Variants in CEMIP2 observed in about 807,000 individuals in gnomAD.
CEMIP2 encodes cell surface hyaluronidase CEMIP2.
In CEMIP2, 79 loss-of-function variants were observed where a neutral mutation model predicts 146.9. That is an observed-to-expected ratio of 0.54 (90% CI 0.45 to 0.65). The LOEUF (loss-of-function observed/expected upper bound fraction) is 0.65. Among genes scored for constraint, CEMIP2 ranks in the 30% least tolerant of loss-of-function variants. CEMIP2 has a pLI of 0.00. For missense variants in CEMIP2, 1,596 were observed against 1,696.2 expected, an observed-to-expected ratio of 0.94 and a Z score of 1.04; for synonymous variants, 601 against 606.3, an observed-to-expected ratio of 0.99 and a Z score of 0.13.
At chr9:71,708,717 T>C (rs1034068363) in intron 17 of CEMIP2, among the ~76,000 whole-genome samples, 2 of 152,200 alleles carry the variant, frequency 1.3e-5, no homozygotes, top group South Asian at 4.1e-4. Context: ...CATATTTTCA[T>C]AGACATTATA....
At chr9:71,734,038 G>A (rs918921913) in intron 6 of CEMIP2, among the ~76,000 whole-genome samples, 1 of 152,030 alleles carries the variant, frequency 6.6e-6, no homozygotes, top group Non-Finnish European at 1.5e-5. Context: ...AGTAGAGATG[G>A]GGTTTCACCG....
chr9:71,697,205 T>TG (rs1563996132), intron 20 of CEMIP2, among the ~76,000 whole-genome samples: 3 of 152,312 alleles, frequency 2.0e-5, no homozygotes, highest in Non-Finnish European at 4.4e-5. Flanking sequence ...GCTGCTGGTC[T>TG]GGGGGTCACA....
chr9:71,729,091 C>T (rs1307545327), intron 10 of CEMIP2, among the ~76,000 whole-genome samples: 1 of 151,882 alleles, frequency 6.6e-6, no homozygotes, highest in Non-Finnish European at 1.5e-5. Flanking sequence ...CCAACAGCCT[C>T]GGCCTCCCAA....
rs1823527744 is a variant in CEMIP2, at chr9:71,728,834, T to TGC, written c.2049+1010_2049+1011insGC. Among the ~76,000 whole-genome samples, 10 of 150,768 alleles carry TGC rather than the reference T, an allele frequency of 6.6e-5. No homozygotes were observed. The South Asian group carries it at 2.2e-3, about 33-fold the overall frequency. On this transcript the variant is annotated intron_variant, in intron 10 of 23. Coordinates refer to ENST00000377044, the MANE Select transcript of CEMIP2 (RefSeq NM_013390.3). ...GGGTTTTTGTGTGTGTGTGTGTGTG[T>TGC]GTGTGTGTTTTTATTGACACGGGGT...
At chr9:71,710,702 CG>C (rs35032188) in intron 16 of CEMIP2, among the ~76,000 whole-genome samples, 1 of 152,146 alleles carries the variant, frequency 6.6e-6, no homozygotes, top group Non-Finnish European at 1.5e-5. Context: ...TAGAGAACTA[CG>C]GGGAGGTCCA....
rs756832543 is a variant in CEMIP2, at chr9:71,716,566, G to C, written c.2400-14C>G. On this transcript the variant is annotated splice_polypyrimidine_tract_variant and intron_variant, in intron 13 of 23. Coordinates refer to ENST00000377044, the MANE Select transcript of CEMIP2 (RefSeq NM_013390.3). Reference sequence around the variant, plus strand: ...TTATCTGCAAATCTGTAAAAGAAGAGAGAATGAAGAACATTTTAATTTACC... The same window carrying C: ...TTATCTGCAAATCTGTAAAAGAAGACAGAATGAAGAACATTTTAATTTACC... The C allele has an allele frequency of 3.8e-6, 6 of 1,583,268 alleles. No homozygotes were observed. Among genetic ancestry groups the C allele is most frequent in the Non-Finnish European group, 5.2e-6 (6 of 1,163,946 alleles).
Position 71,732,573 on chromosome 9 carries a change from A to G in CEMIP2, c.1394-53T>C. On this transcript the variant is annotated intron_variant, in intron 6 of 23. Transcript: ENST00000377044. ...GAATATTAGAACAAAGAAAACATGA[A>G]ACTCACTTCAAAAAGACATTCTCTT... The G allele has an allele frequency of 3.4e-6, 5 of 1,465,128 alleles. No homozygotes were observed. In the South Asian group the frequency reaches 6.1e-5, roughly 18 times the overall value. 90.8% of individuals were successfully genotyped at this position (1,465,128 alleles called of 1,614,324 possible). A position where few individuals can be genotyped will look rare whatever the true frequency, so the allele number is the denominator to read the frequency against.
intron 12 of CEMIP2, among the ~76,000 whole-genome samples, chr9:71,719,964 A>T (rs1823186232): frequency 6.6e-6 from 1 of 151,862 alleles, no homozygotes; most frequent in South Asian, 2.1e-4. Context: ...GTGCCCAGGC[A>T]TGTACAGGGA....
intron 1 of CEMIP2, among the ~76,000 whole-genome samples, chr9:71,756,350 T>C (rs1824451869): frequency 6.6e-6 from 1 of 151,372 alleles, no homozygotes; most frequent in East Asian, 1.9e-4. Flanking sequence ...TATATATGTA[T>C]ATACATACAT....
intron 11 of CEMIP2, among the ~76,000 whole-genome samples, chr9:71,722,725 T>G (rs1344868915): frequency 2.0e-5 from 3 of 152,036 alleles, no homozygotes; most frequent in Non-Finnish European, 2.9e-5. Flanking sequence ...ATTTAGTCAT[T>G]CAACAAATAC....
intron 17 of CEMIP2, among the ~76,000 whole-genome samples, chr9:71,707,281 A>C (rs1822773086): frequency 6.6e-6 from 1 of 152,128 alleles, no homozygotes; most frequent in South Asian, 2.1e-4. Context: ...TTTCTTCTTT[A>C]TTCTACTGTA....
Position 71,729,915 on chromosome 9 carries a change from C to T in CEMIP2, c.1980-1G>A. 1 of 1,614,170 alleles carries T rather than the reference C, an allele frequency of 6.2e-7. No individual in the cohort carries two copies. Among genetic ancestry groups the T allele is most frequent in the East Asian group, 2.2e-5 (1 of 44,882 alleles). Reference sequence around the variant, plus strand: ...AGCAATCCAGAAAGTTGAAACAGCCCTGCAAGGCATTTTTCAAGGTGATTT... The same window carrying T: ...AGCAATCCAGAAAGTTGAAACAGCCTTGCAAGGCATTTTTCAAGGTGATTT... On this transcript the variant is annotated splice_acceptor_variant, in intron 9 of 23. Coordinates refer to ENST00000377044, the MANE Select transcript of CEMIP2 (RefSeq NM_013390.3). LOFTEE classifies it high-confidence loss of function.
chr9:71,752,982 A>T (rs1268831021), intron 1 of CEMIP2, among the ~76,000 whole-genome samples: 1 of 152,242 alleles, frequency 6.6e-6, no homozygotes, highest in Non-Finnish European at 1.5e-5. Context: ...ATGACAAAAG[A>T]AAAACACCAC....
At chr9:71,744,924 A>G (rs1216397148) in intron 4 of CEMIP2, 94 bp downstream of exon 4, 2 of 1,350,938 alleles carry the variant, frequency 1.5e-6, no homozygotes, top group African/African-American at 2.9e-5. Context: ...CTGATGCCTG[A>G]GTCATGCTGT....
intron 1 of CEMIP2, among the ~76,000 whole-genome samples, chr9:71,752,187 G>A (rs1173908371): frequency 6.6e-6 from 1 of 151,666 alleles, no homozygotes; most frequent in Admixed American, 6.6e-5. Flanking sequence ...TTACTCTAAA[G>A]TTCAGGCTTT....
chr9:71,759,499 C>T (rs1046022427), intron 1 of CEMIP2, among the ~76,000 whole-genome samples: 1 of 152,176 alleles, frequency 6.6e-6, no homozygotes, highest in East Asian at 1.9e-4. Context: ...GAAAACCCAA[C>T]TTCCCAATGA....
At chr9:71,699,399 C>A (rs1355490645) in intron 19 of CEMIP2, 1 of 449,060 alleles carries the variant, frequency 2.2e-6, no homozygotes. Flanking sequence ...TGTACCACAA[C>A]TATGCCTGTG....
rs1239072843 is a variant in CEMIP2, at chr9:71,750,307, G to A, written c.67C>T (p.His23Tyr). The change falls in exon 2 of 24, where the codon CAC (histidine) becomes TAC (tyrosine). Residue 23 changes from histidine to tyrosine, a missense_variant. Transcript: ENST00000377044. ...FLQPQNGNSR[H>Y]PSGYVPGKVV... is the part of the protein sequence containing the mutation. ...TTCCCTGGAACATAGCCAGATGGGT[G>A]ACGACTATTTCCATTCTGAGGTTGG... 3 of 1,613,764 alleles carry A rather than the reference G, an allele frequency of 1.9e-6. No homozygotes were observed. The highest frequency in any genetic ancestry group is 2.7e-5 in the African/African-American group (2 of 74,880).
At chr9:71,694,096 TATTTTTA>T (rs1344852383) in intron 21 of CEMIP2, among the ~76,000 whole-genome samples, 1 of 138,266 alleles carries the variant, frequency 7.2e-6, no homozygotes, top group Non-Finnish European at 1.6e-5. Context: ...TTCTGTTGTT[TATTTTTA>T]TTTATTTATT....
Sources: gnomAD v4.1 joint callset for allele counts (sites outside exome capture counted in the v4.1 genomes callset) on GRCh38, gnomAD v4.1.1 for gene constraint, MANE v1.5 for transcripts, NCBI Gene and HGNC (gene_info 2026-07-23, HGNC 2026-07-21) for gene names.